Variants in ERBIN observed in about 807,000 individuals in gnomAD.
ERBIN encodes the protein densin-180-like protein.
In ERBIN, 60 loss-of-function variants were observed where a neutral mutation model predicts 158.4. The observed-to-expected ratio is 0.38, with a 90% CI of 0.31 to 0.47. The LOEUF (loss-of-function observed/expected upper bound fraction) is 0.47, where lower values mean the gene tolerates loss of function less well. ERBIN is among the 20% of genes least tolerant of loss of function. The pLI is 0.99. For missense variants in ERBIN, 1,610 were observed against 1,648.0 expected, an observed-to-expected ratio of 0.98 and a Z score of 0.40; for synonymous variants, 594 against 557.2, an observed-to-expected ratio of 1.07 and a Z score of -0.93.
intron 25 of ERBIN, 133 bp downstream of exon 25, chr5:66,077,082 C>T (rs144254840): frequency 0.017 from 9,500 of 563,934 alleles, 123 homozygotes; most frequent in African/African-American, 0.028. Context: ...ACCCGGGAGG[C>T]GGCACTTGCA....
rs1310213245 is a variant in ERBIN, at chr5:66,054,169, A to G, written c.2851A>G (p.Asn951Asp). 6.2e-7 allele frequency: 1 copy of G among 1,614,074 alleles called. No homozygotes were observed. The highest frequency in any genetic ancestry group is 1.7e-5 in the Admixed American group (1 of 59,998). The stretch of plus-strand genomic sequence containing the variant: ...AATTTTCAAGTTTGATTCAAATCAT[A>G]ATCCCGAAGAGCCAAATATAATAAG... ...KAIFKFDSNHNPEEPNIIRGP... is the reference protein window; with the variant it reads ...KAIFKFDSNHDPEEPNIIRGP... Residue 951 changes from asparagine to aspartate, a missense_variant, in exon 21 of 26, where the codon AAT becomes GAT. By Grantham distance (23) the Asn-to-Asp change is conservative (BLOSUM62 1). Around this residue, in one of 2 missense-constraint regions of ERBIN, gnomAD observed 1,014 missense variants for 936.1 expected, o/e 1.08. Coordinates refer to ENST00000284037, the MANE Select transcript of ERBIN (RefSeq NM_001253697.2).
Position 66,018,567 on chromosome 5 carries a change from TTATATTATATAA to T in ERBIN, c.534-2749_534-2738del, listed in dbSNP as rs1380655776. Among the ~76,000 whole-genome samples, 3 of 9,896 alleles carry T rather than the reference TTATATTATATAA, an allele frequency of 3.0e-4. 1 individual carries two copies. The highest frequency in any genetic ancestry group is 1.6e-3 in the Admixed American group (1 of 634). 6.5% of individuals were successfully genotyped at this position (9,896 alleles called of 152,430 possible). On this transcript the variant is annotated intron_variant, in intron 7 of 25. Coordinates refer to ENST00000284037, the MANE Select transcript of ERBIN (RefSeq NM_001253697.2). Reference sequence around the variant, plus strand: ...TATATTATATATTATATAATATATATTATATTATATAATATATATTATATAATATATATTATA... The same window carrying T: ...TATATTATATATTATATAATATATATTATATATTATATAATATATATTATA...
At position 65,991,852 on chromosome 5, in the gene ERBIN, C is replaced by G. The variant is rs111554586; in HGVS notation, c.-9-858C>G. Among the ~76,000 whole-genome samples the G allele has an allele frequency of 8.6e-3, 1,307 of 152,198 alleles. 18 individuals are homozygous for G. The highest frequency in any genetic ancestry group is 0.03 in the African/African-American group (1,226 of 41,522). On this transcript the variant is annotated intron_variant, in intron 2 of 25. Transcript: ENST00000284037. Reference sequence around the variant, plus strand: ...TAAACACATTTAAGACATATAAGTTCTTTAGAAAAACTATATGGCCAATAT... The same window carrying G: ...TAAACACATTTAAGACATATAAGTTGTTTAGAAAAACTATATGGCCAATAT...
In ERBIN at chr5:66,026,345, A is replaced by G. The variant is rs777238198; in HGVS notation, c.1064A>G (p.Asn355Ser). The stretch of plus-strand genomic sequence containing the variant: ...ATAACTGTGCTGTTTCTCCATTCCA[A>G]TAAACTTGAGACACTTCCAGAGGAA... ...KNITVLFLHS[N>S]KLETLPEEMG... Residue 355 changes from asparagine to serine, a missense_variant, in exon 13 of 26, where the codon AAT becomes AGT. Asn to Ser is a conservative substitution (Grantham distance 46). Around this residue, in one of 2 missense-constraint regions of ERBIN, gnomAD observed 596 missense variants for 711.9 expected, o/e 0.84. Coordinates refer to ENST00000284037, the MANE Select transcript of ERBIN (RefSeq NM_001253697.2). 1 of 1,599,906 alleles carries G rather than the reference A, an allele frequency of 6.3e-7. No homozygotes were observed. Among genetic ancestry groups the G allele is most frequent in the Non-Finnish European group, 8.5e-7 (1 of 1,174,156 alleles).
chr5:65,985,274 G>A (rs1751098786), intron 1 of ERBIN, among the ~76,000 whole-genome samples: 1 of 152,300 alleles, frequency 6.6e-6, no homozygotes, highest in South Asian at 2.1e-4. Flanking sequence ...TGTATTTTTA[G>A]TAGAGATGGG....
intron 1 of ERBIN, among the ~76,000 whole-genome samples, chr5:65,950,216 A>G (rs1746333680): frequency 6.6e-6 from 1 of 151,740 alleles, no homozygotes; most frequent in East Asian, 2.0e-4. Flanking sequence ...CGTGTTAGCC[A>G]GGATGGTCTC....
intron 21 of ERBIN, among the ~76,000 whole-genome samples, chr5:66,055,813 A>C (rs1357048566): frequency 6.6e-6 from 1 of 152,174 alleles, no homozygotes; most frequent in Non-Finnish European, 1.5e-5. Context: ...AAATTCCTTA[A>C]ATAAAATTTT....
intron 7 of ERBIN, among the ~76,000 whole-genome samples, chr5:66,016,617 T>A (rs1328738475): frequency 4.8e-5 from 1 of 20,904 alleles, no homozygotes; most frequent in African/African-American, 8.0e-5. Flanking sequence ...CATGAGATCT[T>A]TTTTTTTTTT....
intron 1 of ERBIN, among the ~76,000 whole-genome samples, chr5:65,986,112 A>G (rs1052494611): frequency 2.0e-5 from 3 of 152,070 alleles, no homozygotes; most frequent in African/African-American, 4.8e-5. Flanking sequence ...TGATGATCTC[A>G]TCTTATTTCA....
chr5:65,968,978 G>A (rs931046587), intron 1 of ERBIN, among the ~76,000 whole-genome samples: 5 of 152,126 alleles, frequency 3.3e-5, no homozygotes, highest in African/African-American at 1.2e-4. Flanking sequence ...GGGAAATATC[G>A]TGATTGAGAG....
At chr5:65,949,002 G>T (rs1365192854) in intron 1 of ERBIN, among the ~76,000 whole-genome samples, 1 of 152,038 alleles carries the variant, frequency 6.6e-6, no homozygotes, top group Non-Finnish European at 1.5e-5. Context: ...GACCTCAGGT[G>T]ATCCATCCGC....
Position 65,996,244 on chromosome 5 carries a change from GTTTTTTTTTTTT to G in ERBIN, c.307+1390_307+1401del, listed in dbSNP as rs34947686. 7.9e-5 allele frequency among the ~76,000 whole-genome samples: 8 copies of G among 101,166 alleles called. No homozygotes were observed. In the East Asian group the frequency reaches 1.9e-3, roughly 24 times the overall value. 66.4% of individuals were successfully genotyped at this position (101,166 alleles called of 152,430 possible). The stretch of plus-strand genomic sequence containing the variant: ...TTCTCCTATTTTTTTTTTCCTAGTA[GTTTTTTTTTTTT>G]TTTTTTTTTAACAGTTTTGGGTGTT... On this transcript the variant is annotated intron_variant, in intron 4 of 25. Coordinates refer to ENST00000284037, the MANE Select transcript of ERBIN (RefSeq NM_001253697.2).
At chr5:65,981,493 A>G (rs1264055106) in intron 1 of ERBIN, among the ~76,000 whole-genome samples, 1 of 152,196 alleles carries the variant, frequency 6.6e-6, no homozygotes, top group Non-Finnish European at 1.5e-5. Flanking sequence ...AATACAATTG[A>G]TAGGCCTCTA....
At chr5:66,058,563 G>T (rs904577146) in intron 21 of ERBIN, among the ~76,000 whole-genome samples, 3 of 150,458 alleles carry the variant, frequency 2.0e-5, no homozygotes, top group African/African-American at 4.9e-5. Context: ...GTCAATTTTG[G>T]CTTTTGTTGC....
chr5:65,933,169 T>C (rs1246632255), intron 1 of ERBIN, among the ~76,000 whole-genome samples: 2 of 152,262 alleles, frequency 1.3e-5, no homozygotes, highest in African/African-American at 4.8e-5. Context: ...CATTGTCTTT[T>C]GTTTATTCTA....
At position 66,077,759 on chromosome 5, in the gene ERBIN, TACACACACACAC is replaced by T. The variant is rs70987111; in HGVS notation, c.4132-640_4132-629del. ...TTCTCTTTTTCTCCCTCCCTCCCTC[TACACACACACAC>T]ACACACACACACACACACACACATA... On this transcript the variant is annotated intron_variant, in intron 25 of 25. Transcript: ENST00000284037. 3.1e-3 allele frequency among the ~76,000 whole-genome samples: 426 copies of T among 139,380 alleles called. 1 individual carries two copies. Among genetic ancestry groups the T allele is most frequent in the African/African-American group, 0.011 (400 of 36,894 alleles). 91.4% of individuals were successfully genotyped at this position (139,380 alleles called of 152,430 possible).
At chr5:65,942,704 C>T (rs1252081373) in intron 1 of ERBIN, among the ~76,000 whole-genome samples, 2 of 152,164 alleles carry the variant, frequency 1.3e-5, no homozygotes, top group Admixed American at 1.3e-4. Flanking sequence ...GCAGGCGGAT[C>T]ACTTGAGGTC....
At chr5:65,996,609 G>T (rs748630154) in intron 4 of ERBIN, among the ~76,000 whole-genome samples, 1 of 152,006 alleles carries the variant, frequency 6.6e-6, no homozygotes, top group Admixed American at 6.6e-5. Flanking sequence ...GTTGCTTTGG[G>T]TATTCAGTCT....
chr5:66,063,707 T>G (rs1296134132), intron 21 of ERBIN, among the ~76,000 whole-genome samples: 3 of 152,168 alleles, frequency 2.0e-5, no homozygotes, highest in Non-Finnish European at 4.4e-5. Context: ...TTAAGACATT[T>G]TTAAAAAGTG....
Sources: allele counts gnomAD v4.1 joint callset (sites outside exome capture counted in the v4.1 genomes callset), GRCh38; gene constraint gnomAD v4.1.1; regional missense constraint gnomAD v4.1.1; transcripts MANE v1.5; gene names NCBI Gene and HGNC (gene_info 2026-07-23, HGNC 2026-07-21).